Variants in ZNF804B observed in about 807,000 individuals in gnomAD.
The protein encoded by ZNF804B is zinc finger 804B.
In ZNF804B, 80 loss-of-function variants were observed where a neutral mutation model predicts 101.4. That is an observed-to-expected ratio of 0.79 (90% confidence interval 0.66 to 0.95). ZNF804B has a LOEUF of 0.95. Among genes scored for constraint, ZNF804B ranks in the 40% least tolerant of loss-of-function variants. The pLI is 0.00. For missense variants in ZNF804B, 1,673 were observed against 1,561.9 expected (o/e 1.07, Z -1.20); for synonymous variants, 622 against 558.8 (o/e 1.11, Z -1.59).
chr7:88,958,019 T>C (rs1374676235), intron 1 of ZNF804B, among the ~76,000 whole-genome samples: 3 of 151,320 alleles, frequency 2.0e-5, no homozygotes, highest in African/African-American at 7.3e-5. Flanking sequence ...ATTTTGTTAA[T>C]GGCAGATTGT....
intron 1 of ZNF804B, among the ~76,000 whole-genome samples, chr7:88,867,612 A>T (rs1217784773): frequency 2.0e-5 from 3 of 152,198 alleles, no homozygotes; most frequent in African/African-American, 7.2e-5. Context: ...TCTAGAAATC[A>T]TGTTGTACCA....
rs747690414 is a variant in ZNF804B, at chr7:89,336,531, T to C, written c.3549T>C (p.Ala1183=). 1.5e-5 allele frequency: 24 copies of C among 1,614,152 alleles called. No individual in the cohort carries two copies. Among genetic ancestry groups the C allele is most frequent in the Non-Finnish European group, 1.9e-5 (23 of 1,180,026 alleles). The part of the protein sequence containing the change: ...LLSKHLRVLP[A]AGPTAFSPAS... ...CAAAGCATCTTCGAGTTTTGCCTGC[T>C]GCAGGGCCTACTGCCTTCTCTCCGG... Residue 1183 remains alanine, a synonymous_variant, in exon 4 of 4, where the codon GCT becomes GCC. Transcript: ENST00000333190.
chr7:89,025,256 G>A (rs1216456939), intron 1 of ZNF804B, among the ~76,000 whole-genome samples: 1 of 152,034 alleles, frequency 6.6e-6, no homozygotes, highest in Admixed American at 6.6e-5. Context: ...ATTTAAGTGG[G>A]TGGATACTGT....
At chr7:88,847,342 T>G (rs183197447) in intron 1 of ZNF804B, among the ~76,000 whole-genome samples, 1 of 152,214 alleles carries the variant, frequency 6.6e-6, no homozygotes, top group Non-Finnish European at 1.5e-5. Flanking sequence ...AATGACTTGT[T>G]AAGAAATCAA....
chr7:88,801,653 GTAAA>G (rs1215113229), intron 1 of ZNF804B, among the ~76,000 whole-genome samples: 1 of 151,904 alleles, frequency 6.6e-6, no homozygotes, highest in Non-Finnish European at 1.5e-5. Flanking sequence ...CCCATGGTAA[GTAAA>G]TAAAATTATG....
chr7:88,936,469 A>C (rs549982245), intron 1 of ZNF804B, among the ~76,000 whole-genome samples: 3 of 152,220 alleles, frequency 2.0e-5, no homozygotes, highest in Admixed American at 6.5e-5. Flanking sequence ...GCTGAAGCTT[A>C]AATAACCTCT....
chr7:89,188,884 A>G (rs907394913), intron 1 of ZNF804B, among the ~76,000 whole-genome samples: 13 of 152,298 alleles, frequency 8.5e-5, no homozygotes, highest in African/African-American at 3.1e-4. Flanking sequence ...AGCCATCTCT[A>G]TAACATTAAA....
intron 1 of ZNF804B, among the ~76,000 whole-genome samples, chr7:88,943,565 AG>A (rs953456262): frequency 1.1e-4 from 16 of 151,926 alleles, no homozygotes; most frequent in African/African-American, 3.9e-4. Context: ...GCAAAAGTAT[AG>A]CCTTTGTTTT....
intron 1 of ZNF804B, among the ~76,000 whole-genome samples, chr7:88,812,288 G>A (rs1790802369): frequency 1.3e-5 from 2 of 152,074 alleles, no homozygotes; most frequent in African/African-American, 4.8e-5. Flanking sequence ...GTAATATAGT[G>A]TCCATTACCC....
intron 1 of ZNF804B, among the ~76,000 whole-genome samples, chr7:89,216,839 A>G (rs1212792137): frequency 2.0e-5 from 3 of 152,192 alleles, no homozygotes; most frequent in African/African-American, 7.2e-5. Flanking sequence ...TATTGAGGGT[A>G]GTCGTTTTGG....
intron 2 of ZNF804B, among the ~76,000 whole-genome samples, chr7:89,262,378 C>T (rs1314285439): frequency 2.0e-5 from 3 of 152,072 alleles, no homozygotes; most frequent in African/African-American, 7.2e-5. Flanking sequence ...AAGAGCATGC[C>T]CTCTTGAGCC....
intron 1 of ZNF804B, among the ~76,000 whole-genome samples, chr7:88,831,924 A>G (rs774568515): frequency 3.7e-4 from 56 of 151,912 alleles, no homozygotes; most frequent in Non-Finnish European, 7.2e-4. Context: ...TATAGATGTG[A>G]AAACATTTTT....
chr7:89,013,507 T>A (rs2116198045), intron 1 of ZNF804B, among the ~76,000 whole-genome samples: 1 of 152,340 alleles, frequency 6.6e-6, no homozygotes, highest in South Asian at 2.1e-4. Flanking sequence ...TATTTTTATT[T>A]TTTAATTGAC....
intron 1 of ZNF804B, among the ~76,000 whole-genome samples, chr7:88,820,115 A>G (rs2373390): frequency 0.45 from 68,291 of 152,040 alleles, 16,359 homozygotes; most frequent in East Asian, 0.81. Flanking sequence ...TCCTGCTGAA[A>G]TGGGAGAATG....
At chr7:89,053,317 C>T (rs957222953) in intron 1 of ZNF804B, among the ~76,000 whole-genome samples, 1 of 152,038 alleles carries the variant, frequency 6.6e-6, no homozygotes, top group African/African-American at 2.4e-5. Flanking sequence ...TGTTGCTGTA[C>T]TCAGTGGTGT....
chr7:88,820,383 T>C (rs1790957822), intron 1 of ZNF804B, among the ~76,000 whole-genome samples: 1 of 151,960 alleles, frequency 6.6e-6, no homozygotes, highest in African/African-American at 2.4e-5. Flanking sequence ...CCTCCTAGGG[T>C]TCAGGTGTTC....
intron 1 of ZNF804B, among the ~76,000 whole-genome samples, chr7:89,043,815 A>T (rs1789056016): frequency 6.6e-6 from 1 of 152,204 alleles, no homozygotes; most frequent in Non-Finnish European, 1.5e-5. Context: ...GTTAAAATTC[A>T]GAGTATCAGC....
chr7:89,219,993 ATATG>A lies in ZNF804B; in HGVS notation c.249+1702_249+1705del, dbSNP rs1192833307. On this transcript the variant is annotated intron_variant, in intron 2 of 3. Transcript: ENST00000333190. The stretch of plus-strand genomic sequence containing the variant: ...TATATGTATATACATATGTGTGCAT[ATATG>A]TATATGCACATATATGTGTGTATAC... 1.2e-4 allele frequency among the ~76,000 whole-genome samples: 17 copies of A among 141,824 alleles called. 8 individuals carry two copies. The highest frequency in any genetic ancestry group is 4.7e-4 in the African/African-American group (17 of 36,146). 93.0% of individuals were successfully genotyped at this position (141,824 alleles called of 152,430 possible).
chr7:88,792,309 G>A lies in ZNF804B; in HGVS notation c.108+32225G>A, dbSNP rs74981909. Reference sequence around the variant, plus strand: ...GGATATATTGCAGTAACCATTTCTGGAAAATACAATATGCCATATTTTCTG... The same window carrying A: ...GGATATATTGCAGTAACCATTTCTGAAAAATACAATATGCCATATTTTCTG... On this transcript the variant is annotated intron_variant, in intron 1 of 3. Coordinates refer to ENST00000333190, the MANE Select transcript of ZNF804B (RefSeq NM_181646.5). Among the ~76,000 whole-genome samples the A allele has an allele frequency of 5.0e-3, 762 of 152,016 alleles. 7 individuals are homozygous for A. The highest frequency in any genetic ancestry group is 0.017 in the Middle Eastern group (5 of 294).
Sources: allele counts gnomAD v4.1 joint callset (sites outside exome capture counted in the v4.1 genomes callset), GRCh38; gene constraint gnomAD v4.1.1; transcripts MANE v1.5; gene names NCBI Gene and HGNC (gene_info 2026-07-23, HGNC 2026-07-21).